HYDIN: variants seen among roughly 807,000 people sequenced by gnomAD.
HYDIN encodes HYDIN axonemal central pair apparatus protein, also known as axonemal central pair apparatus protein HYDIN.
A neutral mutation model predicts 403.9 loss-of-function variants in HYDIN; 132 were observed. The ratio of observed to expected loss-of-function variants is 0.33; its 90% CI spans 0.28 to 0.38. HYDIN has a LOEUF of 0.38. HYDIN is among the 10% of genes least tolerant of loss of function. The pLI is 1.00. For missense variants in HYDIN, 2,827 were observed against 5,009.5 expected (o/e 0.56, Z 13.15); for synonymous variants, 1,202 against 1,891.7 (o/e 0.64, Z 9.46).
chr16:70,878,625 A>G (rs2040589354), intron 62 of HYDIN, among the ~76,000 whole-genome samples: 1 of 148,842 alleles, frequency 6.7e-6, no homozygotes, highest in Admixed American at 6.6e-5. Flanking sequence ...GGTGCTTACT[A>G]TCTCCTGTAG....
chr16:70,949,862 T>C (rs2078007883), intron 41 of HYDIN, among the ~76,000 whole-genome samples: 1 of 152,298 alleles, frequency 6.6e-6, no homozygotes, highest in East Asian at 1.9e-4. Context: ...TTTGAAGAAT[T>C]CTAAAAAGCT....
intron 23 of HYDIN, among the ~76,000 whole-genome samples, chr16:71,000,048 G>T (rs1296751282): frequency 2.7e-5 from 4 of 149,874 alleles, no homozygotes; most frequent in Non-Finnish European, 5.9e-5. Flanking sequence ...AAACAGGTTG[G>T]TTTTTAAAGT....
intron 5 of HYDIN, 46 bp downstream of exon 5, chr16:71,175,561 A>C (rs367816008): frequency 1.3e-6 from 2 of 1,599,228 alleles, no homozygotes; most frequent in East Asian, 2.2e-5. Context: ...ATTGAACTGC[A>C]ATCTGCCAGT....
intron 9 of HYDIN, among the ~76,000 whole-genome samples, chr16:71,128,102 C>T (rs993655358): frequency 1.3e-5 from 2 of 152,032 alleles, no homozygotes; most frequent in African/African-American, 4.8e-5. Flanking sequence ...TCCTGTGAGA[C>T]TCAGGCCCAG....
At chr16:70,894,317 G>A (rs1374744431) in intron 55 of HYDIN, 132 bp downstream of exon 55, 32 of 1,179,496 alleles carry the variant, frequency 2.7e-5, no homozygotes, top group Middle Eastern at 4.0e-4. Flanking sequence ...TCCCAGACAC[G>A]CTATTCCCCA....
At chr16:71,209,868 G>A (rs938526792) in intron 1 of HYDIN, among the ~76,000 whole-genome samples, 10 of 152,206 alleles carry the variant, frequency 6.6e-5, no homozygotes, top group African/African-American at 2.4e-4. Flanking sequence ...ACAAAACACT[G>A]TTCAAAGAAA....
chr16:71,181,139 A>T (rs2086884625), intron 3 of HYDIN, among the ~76,000 whole-genome samples: 1 of 151,652 alleles, frequency 6.6e-6, no homozygotes, highest in East Asian at 1.9e-4. Context: ...ATTAAAAGAA[A>T]TTTTTTCAGG....
intron 41 of HYDIN, 105 bp from the exon 42 acceptor site, chr16:70,944,054 TTCC>T (rs1420720795): frequency 9.6e-6 from 8 of 831,514 alleles, no homozygotes; most frequent in Admixed American, 2.2e-5. Flanking sequence ...AATCTGTCAT[TTCC>T]TCATCTGTAC....
At chr16:70,812,089 G>C (rs1311733118) in intron 84 of HYDIN, among the ~76,000 whole-genome samples, 2 of 91,680 alleles carry the variant, frequency 2.2e-5, no homozygotes, top group African/African-American at 8.7e-5. Context: ...GCATAAAGTT[G>C]ATACCAAAAT....
At chr16:71,102,229 T>A (rs1470816516) in intron 10 of HYDIN, among the ~76,000 whole-genome samples, 1 of 151,948 alleles carries the variant, frequency 6.6e-6, no homozygotes, top group East Asian at 1.9e-4. Context: ...GACACAGATA[T>A]TCTAAAATAT....
chr16:71,204,374 A>T (rs1011353856), intron 1 of HYDIN, among the ~76,000 whole-genome samples: 1 of 152,200 alleles, frequency 6.6e-6, no homozygotes, highest in African/African-American at 2.4e-5. Context: ...ACTGAAATCA[A>T]TAGAGAAAGG....
Position 70,901,053 on chromosome 16 carries a change from T to C in HYDIN, c.8999A>G (p.Tyr3000Cys), listed in dbSNP as rs1567795081. 1.5e-6 allele frequency: 1 copy of C among 679,468 alleles called. No individual in the cohort carries two copies. Among genetic ancestry groups the C allele is most frequent in the East Asian group, 2.7e-5 (1 of 37,588 alleles). 42.1% of individuals were successfully genotyped at this position (679,468 alleles called of 1,614,324 possible). Residue 3000 changes from tyrosine to cysteine, a missense_variant, in exon 53 of 86, where the codon TAC becomes TGC. Coordinates refer to ENST00000393567, the MANE Select transcript of HYDIN (RefSeq NM_001270974.2). ...PPEAEYGLHL[Y>C]FQPTKPVNIK... ...GTTGACAGGCTTGGTGGGCTGAAAG[T>C]ACAGGTGCAGGCCGTACTCAGCCTC...
chr16:71,151,205 G>A (rs1473079284), intron 7 of HYDIN, among the ~76,000 whole-genome samples: 4 of 152,102 alleles, frequency 2.6e-5, no homozygotes, highest in Non-Finnish European at 5.9e-5. Context: ...CTTTTCTTAA[G>A]CTAGTTTCTC....
chr16:70,959,975 C>T (rs3865227), intron 38 of HYDIN, among the ~76,000 whole-genome samples, 155 bp from the exon 39 acceptor site: 13 of 151,700 alleles, frequency 8.6e-5, no homozygotes, highest in African/African-American at 2.7e-4. Context: ...TTGTAGTGTA[C>T]GACTAGGCCC....
chr16:70,818,108 CAA>C (rs2035963013), intron 84 of HYDIN, among the ~76,000 whole-genome samples: 1 of 152,008 alleles, frequency 6.6e-6, no homozygotes, highest in African/African-American at 2.4e-5. Flanking sequence ...AGAAAACAAA[CAA>C]ATCACAGAGA....
rs554256164 is a variant in HYDIN at position 71,217,982 on chromosome 16, G to C, written c.-24+12580C>G. ...AGGGATGAGGGGATCAGTCAATAAG[G>C]TGAGACTTTGGTTTCCCTAGAACGC... On this transcript the variant is annotated intron_variant, in intron 1 of 85. Coordinates refer to ENST00000393567, the MANE Select transcript of HYDIN (RefSeq NM_001270974.2). Among the ~76,000 whole-genome samples, 5 of 152,222 alleles carry C rather than the reference G, an allele frequency of 3.3e-5. No individual in the cohort carries two copies. In the South Asian group the frequency reaches 6.2e-4, roughly 19 times the overall value.
intron 39 of HYDIN, chr16:70,959,187 T>C (rs1367469574): frequency 6.6e-6 from 1 of 152,368 alleles, no homozygotes; most frequent in Non-Finnish European, 1.5e-5. Flanking sequence ...GACTGGTTTA[T>C]GGTTAGGAAA....
At chr16:71,163,133 T>C (rs76252058) in intron 5 of HYDIN, among the ~76,000 whole-genome samples, 1 of 148,034 alleles carries the variant, frequency 6.8e-6, no homozygotes, top group African/African-American at 2.5e-5. Context: ...TTTTTTTTTT[T>C]TTTTTTTGAG....
intron 1 of HYDIN, among the ~76,000 whole-genome samples, chr16:71,196,644 C>T (rs1424033575): frequency 6.6e-6 from 1 of 152,110 alleles, no homozygotes; most frequent in Non-Finnish European, 1.5e-5. Context: ...GCTTCATTCC[C>T]AGCCAGTTAG....
Sources: allele counts gnomAD v4.1 joint callset (sites outside exome capture counted in the v4.1 genomes callset), GRCh38; gene constraint gnomAD v4.1.1; transcripts MANE v1.5; gene names NCBI Gene and HGNC (gene_info 2026-07-23, HGNC 2026-07-21).